Variants in PITRM1 observed in about 807,000 individuals in gnomAD.
The protein encoded by PITRM1 is pitrilysin metallopeptidase 1.
Under a neutral mutation model 129.9 loss-of-function variants are expected in PITRM1, and 100 were observed. The ratio of observed to expected loss-of-function variants is 0.77; its 90% CI spans 0.65 to 0.91. The LOEUF (loss-of-function observed/expected upper bound fraction) is 0.91. Ranked by LOEUF, PITRM1 falls within the 40% of genes least tolerant of loss-of-function variation. PITRM1 has a pLI of 0.00. For synonymous variants in PITRM1, 591 were observed against 508.8 expected, an observed-to-expected ratio of 1.16 and a Z score of -2.17; for missense variants, 1,471 against 1,318.3, an observed-to-expected ratio of 1.12 and a Z score of -1.79.
intron 14 of PITRM1, 44 bp downstream of exon 14, chr10:3,155,547 G>C (rs141549097): frequency 6.2e-7 from 1 of 1,609,484 alleles, no homozygotes; most frequent in East Asian, 2.2e-5. Context: ...CACTAGGCCC[G>C]AGTGCAGGTT....
In PITRM1 at chr10:3,144,383, C is replaced by G. The variant is rs1002841466; in HGVS notation, c.2458-17G>C. 3.3e-6 allele frequency: 5 copies of G among 1,514,520 alleles called. No individual in the cohort carries two copies. The highest frequency in any genetic ancestry group is 3.6e-6 in the Non-Finnish European group (4 of 1,117,406). 93.8% of individuals were successfully genotyped at this position (1,514,520 alleles called of 1,614,324 possible). On this transcript the variant is annotated splice_polypyrimidine_tract_variant and intron_variant, in intron 21 of 26. Transcript: ENST00000224949. ...CACAGGTTTCTGAAAATCAAGTTTC[C>G]AAGAGAAAAGAGAAAAATCCAGAAC...
intron 15 of PITRM1, 123 bp downstream of exon 15, chr10:3,151,124 A>C (rs1841471575): frequency 4.3e-6 from 3 of 694,864 alleles, no homozygotes; most frequent in Non-Finnish European, 8.1e-6. Flanking sequence ...CTATGAACGC[A>C]CAGGGCTGCT....
intron 9 of PITRM1, 116 bp downstream of exon 9, chr10:3,159,731 CT>C (rs1842283313): frequency 3.3e-6 from 2 of 605,382 alleles, no homozygotes; most frequent in Non-Finnish European, 5.8e-6. Context: ...CACTTAACCC[CT>C]GAATCCTAAC....
intron 7 of PITRM1, 158 bp downstream of exon 7, chr10:3,163,567 C>A (rs1446031450): frequency 3.2e-6 from 2 of 617,156 alleles, no homozygotes; most frequent in Admixed American, 3.2e-5. Context: ...AAATCAATGT[C>A]CAAGTAAGAT....
intron 19 of PITRM1, 83 bp downstream of exon 19, chr10:3,147,489 A>T: frequency 7.0e-7 from 1 of 1,427,436 alleles, no homozygotes; most frequent in South Asian, 1.2e-5. Context: ...CTGGGACATA[A>T]ATTAATGTAT....
At chr10:3,171,048 A>G (rs573236462) in intron 1 of PITRM1, among the ~76,000 whole-genome samples, 2 of 150,328 alleles carry the variant, frequency 1.3e-5, no homozygotes, top group East Asian at 4.0e-4. Context: ...CCCAGCACTC[A>G]CAGACAAAAA....
chr10:3,148,182 T>C lies in PITRM1; in HGVS notation c.1981A>G (p.Thr661Ala). The C allele has an allele frequency of 6.2e-7, 1 of 1,613,890 alleles. No individual in the cohort carries two copies. Among genetic ancestry groups the C allele is most frequent in the Non-Finnish European group, 8.5e-7 (1 of 1,179,838 alleles). Residue 661 changes from threonine to alanine, a missense_variant, in exon 17 of 27, where the codon ACC becomes GCC. By Grantham distance (58) the Thr-to-Ala change is moderately conservative. Transcript: ENST00000224949. Reference sequence around the variant, plus strand: ...CGGTACCAGGCTACCTGCTCGTAGGTGTCCATGTGTGAGTCGTCGGGGAGC... The same window carrying C: ...CGGTACCAGGCTACCTGCTCGTAGGCGTCCATGTGTGAGTCGTCGGGGAGC... ...HVLPDDSHMD[T>A]YEQGVLFSSL...
chr10:3,159,355 G>A (rs1158166031), intron 9 of PITRM1, among the ~76,000 whole-genome samples: 1 of 152,250 alleles, frequency 6.6e-6, no homozygotes, highest in East Asian at 1.9e-4. Context: ...CAAGCCAGGA[G>A]AGGTGCCAGC....
At chr10:3,166,430 GAC>G (rs1432987295) in intron 3 of PITRM1, 50 bp from the exon 4 acceptor site, 1 of 1,167,678 alleles carries the variant, frequency 8.6e-7, no homozygotes, top group South Asian at 1.4e-5. Context: ...TAGTGCTGCG[GAC>G]ACAGTTCCCA....
rs1273999407 is a variant in PITRM1 at position 3,160,227 on chromosome 10, C to T, written c.895G>A (p.Ala299Thr). 6.2e-7 allele frequency: 1 copy of T among 1,613,938 alleles called. No individual in the cohort carries two copies. Among genetic ancestry groups the T allele is most frequent in the Admixed American group, 1.7e-5 (1 of 60,032 alleles). ...ACAGGCTTGTCCCAGGGTGTCTGAG[C>T]TGGCACCACGGTGCTTGGTTCAATT... The part of the protein sequence containing the change: ...QKIEPSTVVP[A>T]QTPWDKPREF... The change falls in exon 8 of 27, where the codon GCT (alanine) becomes ACT (threonine). Residue 299 changes from alanine to threonine, a missense_variant. By Grantham distance (58) the Ala-to-Thr change is moderately conservative. Coordinates refer to ENST00000224949, the MANE Select transcript of PITRM1 (RefSeq NM_014889.4).
chr10:3,139,493 C>A (rs1173743851), intron 24 of PITRM1, among the ~76,000 whole-genome samples: 1 of 151,860 alleles, frequency 6.6e-6, no homozygotes, highest in Non-Finnish European at 1.5e-5. Flanking sequence ...GACTTCCCTT[C>A]GTGTAAATGC....
rs572476455 is a variant in PITRM1, at chr10:3,166,391, A to AGAGGAATGGCACGCTAGGGACGGC, written c.267-12_267-11insGCCGTCCCTAGCGTGCCATTCCTC. ...GTACGGAACTGCACGCTAGGGAAGG[A>AGAGGAATGGCACGCTAGGGACGGC]GAATGACCAGAACGCAAAAGGTTCA... On this transcript the variant is annotated splice_polypyrimidine_tract_variant and intron_variant, in intron 3 of 26. Transcript: ENST00000224949. 2.3e-4 allele frequency: 324 copies of AGAGGAATGGCACGCTAGGGACGGC among 1,395,428 alleles called. 1 individual carries two copies. The highest frequency in any genetic ancestry group is 4.0e-4 in the Middle Eastern group (2 of 5,050). The allele number at this position is 1,395,428 out of a possible 1,614,324, so 86.4% of individuals were successfully genotyped here.
Position 3,157,065 on chromosome 10 carries a change from C to G in PITRM1, c.1348-1G>C. On this transcript the variant is annotated splice_acceptor_variant, in intron 12 of 26. Transcript: ENST00000224949. LOFTEE classifies it high-confidence loss of function. ...CATGGTTCCAGCAAGAAGCTATGTA[C>G]TGGAAGGAAGATTTCCACATCCACA... is the stretch of plus-strand genomic sequence containing the variant. The G allele has an allele frequency of 6.2e-7, 1 of 1,603,822 alleles. No homozygotes were observed.
Position 3,159,892 on chromosome 10 carries a change from A to T in PITRM1, c.963T>A (p.Asp321Glu). The T allele has an allele frequency of 6.2e-7, 1 of 1,605,952 alleles. No homozygotes were observed. Among genetic ancestry groups the T allele is most frequent in the East Asian group, 2.2e-5 (1 of 44,774 alleles). Residue 321 changes from aspartate (D) to glutamate (E), a missense_variant, in exon 9 of 27, where the codon GAT (aspartate) becomes GAA (glutamate). Asp to Glu is a conservative substitution (Grantham distance 45, BLOSUM62 2). Coordinates refer to ENST00000224949, the MANE Select transcript of PITRM1 (RefSeq NM_014889.4). ...CGCTGATGGTTGTTTGTTTAGAGGG[A>T]TCTGTAGCAAATGAATCCGGGCCAC... ...ITCGPDSFAT[D>E]PSKQTTISVS...
At position 3,151,370 on chromosome 10, in the gene PITRM1, A is replaced by G; in HGVS notation, c.1622-7T>C. 1 of 1,100,824 alleles carries G rather than the reference A, an allele frequency of 9.1e-7. No homozygotes were observed. The highest frequency in any genetic ancestry group is 1.2e-6 in the Non-Finnish European group (1 of 802,846). 68.2% of individuals were successfully genotyped at this position (1,100,824 alleles called of 1,614,324 possible). ...TGACTCCGTAATTCTAGACCTAAAAAAGAAACAAGAAAAAGGAATATTCAG... is the reference window on the plus strand; with the variant it reads ...TGACTCCGTAATTCTAGACCTAAAAGAGAAACAAGAAAAAGGAATATTCAG... On this transcript the variant is annotated splice_polypyrimidine_tract_variant and splice_region_variant and intron_variant, in intron 14 of 26. Transcript: ENST00000224949.
In PITRM1 at chr10:3,157,574, G is replaced by A. The variant is rs375640403; in HGVS notation, c.1251-43C>T. 16 of 1,271,864 alleles carry A rather than the reference G, an allele frequency of 1.3e-5. No homozygotes were observed. In the African/African-American group the frequency reaches 2.0e-4, roughly 16 times the overall value. The allele number at this position is 1,271,864 out of a possible 1,614,324, so 78.8% of individuals were successfully genotyped here. A position where few individuals can be genotyped will look rare whatever the true frequency, so the allele number is the denominator to read the frequency against. On this transcript the variant is annotated intron_variant, in intron 11 of 26. Coordinates refer to ENST00000224949, the MANE Select transcript of PITRM1 (RefSeq NM_014889.4). ...GAACAAAGATGGGCCAGACACAATGGCTCATGCTTGTAATCCCAGCACTTT... is the reference window on the plus strand; with the variant it reads ...GAACAAAGATGGGCCAGACACAATGACTCATGCTTGTAATCCCAGCACTTT...
chr10:3,164,869 T>A (rs1842732934), intron 6 of PITRM1, among the ~76,000 whole-genome samples: 1 of 152,226 alleles, frequency 6.6e-6, no homozygotes, highest in Non-Finnish European at 1.5e-5. Context: ...GACTCCCCCA[T>A]TTGCTCTGTA....
chr10:3,151,380 A>T lies in PITRM1; in HGVS notation c.1622-17T>A, dbSNP rs1841503752. Reference sequence around the variant, plus strand: ...ATTCTAGACCTAAAAAAGAAACAAGAAAAAGGAATATTCAGGGCCATAATT... The same window carrying T: ...ATTCTAGACCTAAAAAAGAAACAAGTAAAAGGAATATTCAGGGCCATAATT... On this transcript the variant is annotated splice_polypyrimidine_tract_variant and intron_variant, in intron 14 of 26. Transcript: ENST00000224949. 1 of 1,296,632 alleles carries T rather than the reference A, an allele frequency of 7.7e-7. No individual in the cohort carries two copies. Among genetic ancestry groups the T allele is most frequent in the East Asian group, 2.5e-5 (1 of 40,290 alleles). 80.3% of individuals were successfully genotyped at this position (1,296,632 alleles called of 1,614,324 possible).
intron 21 of PITRM1, chr10:3,145,144 GGCT>G: frequency 6.2e-6 from 1 of 161,332 alleles, no homozygotes; most frequent in South Asian, 1.7e-4. Flanking sequence ...GGAGCAGCAC[GGCT>G]TCTCTACTGA....
Sources: allele counts gnomAD v4.1 joint callset (sites outside exome capture counted in the v4.1 genomes callset), GRCh38; gene constraint gnomAD v4.1.1; transcripts MANE v1.5; gene names NCBI Gene and HGNC (gene_info 2026-07-23, HGNC 2026-07-21).